SBNO1: variants seen among roughly 807,000 people sequenced by gnomAD.
The protein encoded by SBNO1 is strawberry notch homolog 1.
In SBNO1, 23 loss-of-function variants were observed where a neutral mutation model predicts 173.6. The ratio of observed to expected loss-of-function variants is 0.13; its 90% CI spans 0.10 to 0.19. The LOEUF is 0.19. Ranked by LOEUF, SBNO1 falls within the 10% of genes least tolerant of loss-of-function variation. The probability of loss-of-function intolerance (pLI) is 1.00; values close to 1 mark genes in which losing one functional copy is unlikely to be tolerated. For missense variants in SBNO1, 1,238 were observed against 1,671.2 expected (o/e 0.74, Z 4.52); for synonymous variants, 632 against 571.5 (o/e 1.11, Z -1.51).
Position 123,289,697 on chromosome 12 carries a change from T to C in SBNO1, c.*6211A>G, listed in dbSNP as rs578208770. On this transcript the variant is annotated 3_prime_UTR_variant, in exon 32 of 32. Coordinates refer to ENST00000602398, the MANE Select transcript of SBNO1 (RefSeq NM_001167856.3). ...GGATGATGGAAGATACAAGTGGTTA[T>C]TGAAAAATCATATCAGTAGTTTGCA... 5 of 152,366 alleles carry C rather than the reference T, an allele frequency of 3.3e-5. No individual in the cohort carries two copies. The highest frequency in any genetic ancestry group is 2.1e-4 in the South Asian group (1 of 4,832). The allele number at this position is 152,366 out of a possible 1,614,324, so 9.4% of individuals were successfully genotyped here. A position where few individuals can be genotyped will look rare whatever the true frequency, so the allele number is the denominator to read the frequency against.
intron 28 of SBNO1, among the ~76,000 whole-genome samples, chr12:123,307,396 G>A (rs1392974107): frequency 6.6e-6 from 1 of 152,060 alleles, no homozygotes; most frequent in Admixed American, 6.6e-5. Context: ...CAGAGGACAT[G>A]CAATATAGAC....
chr12:123,315,523 A>C, intron 22 of SBNO1, 25 bp downstream of exon 22: 1 of 1,577,370 alleles, frequency 6.3e-7, no homozygotes, highest in Non-Finnish European at 8.7e-7. Flanking sequence ...TCATTTACAC[A>C]CAGCCACACA....
chr12:123,327,593 A>C lies in SBNO1; in HGVS notation c.1539-14T>G. 6.2e-7 allele frequency: 1 copy of C among 1,611,354 alleles called. No individual in the cohort carries two copies. On this transcript the variant is annotated splice_polypyrimidine_tract_variant and intron_variant, in intron 12 of 31. Transcript: ENST00000602398. Reference sequence around the variant, plus strand: ...GCACCAACTCCTCTGAATAAAATTAAAACATACAGTAATTACCAATACAGT... The same window carrying C: ...GCACCAACTCCTCTGAATAAAATTACAACATACAGTAATTACCAATACAGT...
chr12:123,364,378 G>C (rs887492238), intron 1 of SBNO1: 1 of 985,306 alleles, frequency 1.0e-6, no homozygotes, highest in Non-Finnish European at 1.2e-6. Flanking sequence ...GGCGTGCACA[G>C]ACCCTGCCCC....
At chr12:123,364,491 G>A (rs985742971) in intron 1 of SBNO1, 4 of 983,826 alleles carry the variant, frequency 4.1e-6, no homozygotes, top group African/African-American at 3.5e-5. Context: ...AACAGAGGAA[G>A]CGAGTACAAC....
intron 4 of SBNO1, 128 bp downstream of exon 4, chr12:123,345,130 T>A: frequency 1.3e-6 from 1 of 750,622 alleles, no homozygotes; most frequent in Non-Finnish European, 2.2e-6. Flanking sequence ...AGACTGTAAG[T>A]ACGCAAAATA....
Position 123,327,877 on chromosome 12 carries a change from T to C in SBNO1, c.1432+15A>G. The C allele has an allele frequency of 1.9e-6, 3 of 1,591,672 alleles. No individual in the cohort carries two copies. The highest frequency in any genetic ancestry group is 2.6e-6 in the Non-Finnish European group (3 of 1,168,162). Reference sequence around the variant, plus strand: ...ATAACCTACAATATATATTTTTAAATAAATAAATACTCACCAGTTGCACTA... The same window carrying C: ...ATAACCTACAATATATATTTTTAAACAAATAAATACTCACCAGTTGCACTA... On this transcript the variant is annotated intron_variant, in intron 11 of 31. Transcript: ENST00000602398.
At chr12:123,299,681 CAAAAAAAAA>C (rs538218167) in intron 30 of SBNO1, among the ~76,000 whole-genome samples, 2 of 93,894 alleles carry the variant, frequency 2.1e-5, no homozygotes, top group Non-Finnish European at 3.8e-5. Context: ...ACTCTGTCTT[CAAAAAAAAA>C]AAAAAAAAAC....
chr12:123,347,420 G>T (rs1324349154), intron 3 of SBNO1, among the ~76,000 whole-genome samples: 3 of 151,624 alleles, frequency 2.0e-5, no homozygotes, highest in Non-Finnish European at 4.4e-5. Context: ...TAGAGACGGG[G>T]TTTCACCATG....
At chr12:123,363,956 T>A in intron 1 of SBNO1, 3 of 985,450 alleles carry the variant, frequency 3.0e-6, no homozygotes, top group Non-Finnish European at 3.6e-6. Context: ...AAACCACCGG[T>A]ATCCACTGCT....
At chr12:123,357,499 T>C (rs548268996) in intron 1 of SBNO1, among the ~76,000 whole-genome samples, 1 of 151,754 alleles carries the variant, frequency 6.6e-6, no homozygotes, top group East Asian at 1.9e-4. Context: ...TTCTAGCACT[T>C]TGGTAGGCTG....
At chr12:123,336,513 A>G in intron 5 of SBNO1, 22 bp from the exon 6 acceptor site, 1 of 1,510,652 alleles carries the variant, frequency 6.6e-7, no homozygotes, top group Non-Finnish European at 9.1e-7. Context: ...AAAGAGCACA[A>G]TCAATCCCAA....
intron 1 of SBNO1, among the ~76,000 whole-genome samples, chr12:123,355,476 C>G (rs1255255645): frequency 3.3e-5 from 5 of 152,036 alleles, no homozygotes; most frequent in Non-Finnish European, 7.4e-5. Context: ...TGGTGGCGGG[C>G]GCCTGTAATC....
At position 123,320,821 on chromosome 12, in the gene SBNO1, T is replaced by C; in HGVS notation, c.2369A>G (p.Lys790Arg). The change falls in exon 18 of 32, where the codon AAA (lysine) becomes AGA (arginine). Residue 790 changes from lysine to arginine, a missense_variant. Coordinates refer to ENST00000602398, the MANE Select transcript of SBNO1 (RefSeq NM_001167856.3). ...ATCTGGATCTATACTTTTCTTCTTT[T>C]TTTTCTCTTTGTTTTTCTTGTGGTC... ...RKDHKKNKEK[K>R]KKKSIDPDSI... 1.9e-6 allele frequency: 3 copies of C among 1,598,576 alleles called. No homozygotes were observed. The highest frequency in any genetic ancestry group is 1.3e-5 in the African/African-American group (1 of 74,114).
rs538934229 is a variant in SBNO1 at position 123,337,302 on chromosome 12, G to A, written c.652-811C>T. Among the ~76,000 whole-genome samples, 7 of 152,092 alleles carry A rather than the reference G, an allele frequency of 4.6e-5. No homozygotes were observed. The South Asian group carries it at 6.2e-4, about 14-fold the overall frequency. On this transcript the variant is annotated intron_variant, in intron 5 of 31. Transcript: ENST00000602398. The stretch of plus-strand genomic sequence containing the variant: ...ATCTTAAAGGAATAAAGGAAGATCC[G>A]GAATAAGCCACTTTTCACTACCAGT...
intron 3 of SBNO1, among the ~76,000 whole-genome samples, chr12:123,347,461 C>T (rs1184383194): frequency 6.6e-6 from 1 of 151,864 alleles, no homozygotes; most frequent in African/African-American, 2.4e-5. Context: ...CTCCTGACCT[C>T]GTGATCCACC....
At chr12:123,344,711 T>C (rs1054235270) in intron 4 of SBNO1, among the ~76,000 whole-genome samples, 1 of 152,072 alleles carries the variant, frequency 6.6e-6, no homozygotes, top group Non-Finnish European at 1.5e-5. Context: ...TAGCTAGGTG[T>C]GGTGGCAAGC....
chr12:123,320,572 T>A lies in SBNO1; in HGVS notation c.2527A>T (p.Thr843Ser). 6.2e-7 allele frequency: 1 copy of A among 1,614,072 alleles called. No individual in the cohort carries two copies. Among genetic ancestry groups the A allele is most frequent in the East Asian group, 2.2e-5 (1 of 44,882 alleles). Residue 843 changes from threonine (T) to serine (S), a missense_variant, in exon 19 of 32, where the codon ACA becomes TCA. Thr to Ser is a moderately conservative substitution (Grantham distance 58). This residue lies in a region of SBNO1 where 74 missense variants were observed against 68.5 expected (regional missense o/e 1.08). Coordinates refer to ENST00000602398, the MANE Select transcript of SBNO1 (RefSeq NM_001167856.3). Reference protein sequence around the residue: ...SNTNSNSSLITSQDAVERAQQ... With the variant: ...SNTNSNSSLISSQDAVERAQQ... ...GCCCTTTCCACAGCATCCTGACTTG[T>A]TATAAGGCTACTGTTACTGTTGGTG...
At position 123,348,092 on chromosome 12, in the gene SBNO1, T is replaced by G; in HGVS notation, c.174A>C (p.Glu58Asp). Residue 58 changes from glutamate to aspartate, a missense_variant, in exon 3 of 32, where the codon GAA becomes GAC. Physicochemically the swap from Glu to Asp is conservative, Grantham distance 45. Coordinates refer to ENST00000602398, the MANE Select transcript of SBNO1 (RefSeq NM_001167856.3). ...LSALELGLETEAAVPVKQEPE... is the reference protein window; with the variant it reads ...LSALELGLETDAAVPVKQEPE... ...GTTCTTGTTTAACAGGAACTGCTGC[T>G]TCGGTCTCCAAACCTAGTTCTAATG... The G allele has an allele frequency of 6.2e-7, 1 of 1,612,136 alleles. No homozygotes were observed. Among genetic ancestry groups the G allele is most frequent in the Non-Finnish European group, 8.5e-7 (1 of 1,178,462 alleles).
Sources: gnomAD v4.1 joint callset for allele counts (sites outside exome capture counted in the v4.1 genomes callset) on GRCh38, gnomAD v4.1.1 for gene constraint, gnomAD v4.1.1 regional missense constraint, MANE v1.5 for transcripts, NCBI Gene and HGNC (gene_info 2026-07-23, HGNC 2026-07-21) for gene names.